The following SELENOF variants were observed in gnomAD, a reference collection of about 807,000 sequenced individuals.
The protein encoded by SELENOF is selenoprotein F, also known as 15 kDa selenoprotein.
A neutral mutation model predicts 20.5 loss-of-function variants in SELENOF; 16 were observed. The ratio of observed to expected loss-of-function variants is 0.78; its 90% CI spans 0.53 to 1.19. SELENOF has a LOEUF of 1.19. SELENOF is among the 50% of genes most tolerant of loss of function. The probability of loss-of-function intolerance (pLI) is 0.00; values close to 1 mark genes in which losing one functional copy is unlikely to be tolerated. For synonymous variants in SELENOF, 78 were observed against 74.5 expected (o/e 1.05, Z -0.24); for missense variants, 215 against 194.2 (o/e 1.11, Z -0.64).
At chr1:86,903,257 A>G (rs746180169) in intron 2 of SELENOF, 24 bp downstream of exon 2, 1 of 1,589,186 alleles carries the variant, frequency 6.3e-7, no homozygotes, top group Non-Finnish European at 8.6e-7. Flanking sequence ...CATCCAATGG[A>G]AGGAATATAC....
At chr1:86,895,485 T>A (rs1659497947) in intron 2 of SELENOF, among the ~76,000 whole-genome samples, 1 of 152,208 alleles carries the variant, frequency 6.6e-6, no homozygotes, top group Non-Finnish European at 1.5e-5. Flanking sequence ...TTAATCCTCA[T>A]AATCACCCTA....
At chr1:86,869,771 G>C (rs1023756690) in intron 3 of SELENOF, among the ~76,000 whole-genome samples, 6 of 146,914 alleles carry the variant, frequency 4.1e-5, no homozygotes, top group African/African-American at 1.5e-4. Context: ...CTTTTTTTGA[G>C]ACGGGGTCTC....
upstream of SELENOF, chr1:86,914,308 C>A: frequency 1.7e-6 from 1 of 600,328 alleles, no homozygotes; most frequent in Non-Finnish European, 3.0e-6. Flanking sequence ...CCAAATCAGG[C>A]ACTTGCCTAA....
intron 3 of SELENOF, among the ~76,000 whole-genome samples, chr1:86,873,851 T>A (rs1658852205): frequency 6.1e-5 from 2 of 32,966 alleles, no homozygotes; most frequent in Non-Finnish European, 1.0e-4. Context: ...AAACTCCGTC[T>A]CAAAAAAAAA....
chr1:86,872,284 C>T (rs914919930), intron 3 of SELENOF, among the ~76,000 whole-genome samples: 3 of 152,138 alleles, frequency 2.0e-5, no homozygotes, highest in African/African-American at 7.2e-5. Context: ...GAAATGGGAA[C>T]ACAGCCAAGC....
chr1:86,908,244 C>G (rs1277281947), intron 1 of SELENOF, among the ~76,000 whole-genome samples: 1 of 152,164 alleles, frequency 6.6e-6, no homozygotes, highest in Non-Finnish European at 1.5e-5. Context: ...TCATGTAATT[C>G]TGAGCAAACT....
intron 2 of SELENOF, among the ~76,000 whole-genome samples, chr1:86,897,655 C>T (rs1363060291): frequency 6.7e-6 from 1 of 150,332 alleles, no homozygotes; most frequent in Non-Finnish European, 1.5e-5. Flanking sequence ...TACTATGCAG[C>T]TAACAGGTTC....
At chr1:86,867,821 A>ATATGG (rs1447870130) in intron 4 of SELENOF, among the ~76,000 whole-genome samples, 2 of 151,946 alleles carry the variant, frequency 1.3e-5, no homozygotes, top group Non-Finnish European at 2.9e-5. Context: ...GCCAGGGAGT[A>ATATGG]TATGGGAATA....
At chr1:86,875,938 T>C (rs1408542536) in intron 3 of SELENOF, among the ~76,000 whole-genome samples, 1 of 152,034 alleles carries the variant, frequency 6.6e-6, no homozygotes, top group African/African-American at 2.4e-5. Flanking sequence ...AAACTAGAGA[T>C]GTGAATCTAG....
chr1:86,914,097 C>T lies in SELENOF; in HGVS notation c.15G>A (p.Ala5=), dbSNP rs780825768. The change falls in exon 1 of 5, where the codon GCG becomes GCA. Residue 5 remains alanine, a synonymous_variant. Coordinates refer to ENST00000331835, the MANE Select transcript of SELENOF (RefSeq NM_004261.5). ...GCACCAGACACCCACTCGGCCCAGC[C>T]GCCATCGCTACCATTTTCCGCAGGT... MVAM[A]AGPSGCLVPA... is the part of the protein sequence containing the mutation. 2 of 1,613,878 alleles carry T rather than the reference C, an allele frequency of 1.2e-6. No homozygotes were observed. Among genetic ancestry groups the T allele is most frequent in the African/African-American group, 2.7e-5 (2 of 74,914 alleles).
At chr1:86,880,578 T>C in intron 3 of SELENOF, 84 bp downstream of exon 3, 1 of 697,334 alleles carries the variant, frequency 1.4e-6, no homozygotes, top group African/African-American at 1.9e-5. Flanking sequence ...AAATTCTTAT[T>C]CCTGGGAATA....
chr1:86,897,568 T>C (rs1659558030), intron 2 of SELENOF, among the ~76,000 whole-genome samples: 1 of 152,200 alleles, frequency 6.6e-6, no homozygotes, highest in Admixed American at 6.5e-5. Flanking sequence ...AGGGGACTGC[T>C]TACCTAGTAC....
intron 2 of SELENOF, among the ~76,000 whole-genome samples, chr1:86,900,661 G>C (rs1000306100): frequency 6.6e-6 from 1 of 151,614 alleles, no homozygotes; most frequent in Non-Finnish European, 1.5e-5. Context: ...GAGAGGGAGA[G>C]GGAGACGGAG....
At chr1:86,893,189 CACTT>C (rs1031771772) in intron 2 of SELENOF, among the ~76,000 whole-genome samples, 1 of 152,050 alleles carries the variant, frequency 6.6e-6, no homozygotes, top group African/African-American at 2.4e-5. Context: ...GTAGGTAAAA[CACTT>C]AGCGTATAAC....
At chr1:86,884,908 C>T in intron 2 of SELENOF, among the ~76,000 whole-genome samples, 1 of 152,132 alleles carries the variant, frequency 6.6e-6, no homozygotes, top group South Asian at 2.1e-4. Flanking sequence ...CATCTTTTCC[C>T]TTTGGAGTCT....
At chr1:86,872,215 A>G (rs1026134933) in intron 3 of SELENOF, among the ~76,000 whole-genome samples, 7 of 152,362 alleles carry the variant, frequency 4.6e-5, no homozygotes, top group Non-Finnish European at 8.8e-5. Context: ...GAAGGTAAAT[A>G]TAACCAAAAT....
chr1:86,899,854 T>G (rs1326142218), intron 2 of SELENOF, among the ~76,000 whole-genome samples: 3 of 122,518 alleles, frequency 2.4e-5, no homozygotes, highest in Admixed American at 8.6e-5. Context: ...AGGCGGAGGG[T>G]CTCCTCCCTT....
rs1259158749 is a variant in SELENOF, at chr1:86,862,588, A to C, written c.*886T>G. 1 of 152,206 alleles carries C rather than the reference A, an allele frequency of 6.6e-6. No individual in the cohort carries two copies. The highest frequency in any genetic ancestry group is 1.5e-5 in the Non-Finnish European group (1 of 68,036). The allele number at this position is 152,206 out of a possible 1,614,324, so 9.4% of individuals were successfully genotyped here. On this transcript the variant is annotated 3_prime_UTR_variant, in exon 5 of 5. Coordinates refer to ENST00000331835, the MANE Select transcript of SELENOF (RefSeq NM_004261.5). ...AATATAAAGCACTATTACCAACAATAAGATGTTATAAGTTTTAAATATTAC... is the reference window on the plus strand; with the variant it reads ...AATATAAAGCACTATTACCAACAATCAGATGTTATAAGTTTTAAATATTAC...
chr1:86,913,397 G>T (rs1278498628), intron 1 of SELENOF, among the ~76,000 whole-genome samples: 2 of 129,668 alleles, frequency 1.5e-5, no homozygotes, highest in African/African-American at 7.7e-5. Context: ...AATAAAAAAC[G>T]CTGCCTTAAA....
Sources: allele counts gnomAD v4.1 joint callset (sites outside exome capture counted in the v4.1 genomes callset), GRCh38; gene constraint gnomAD v4.1.1; transcripts MANE v1.5; gene names NCBI Gene and HGNC (gene_info 2026-07-23, HGNC 2026-07-21).